The following ZNF132 variants were observed in gnomAD, a reference collection of about 807,000 sequenced individuals.
ZNF132 encodes the protein zinc finger protein 132.
ZNF132 carries 6 observed loss-of-function variants against 9.3 expected under a neutral mutation model. The ratio of observed to expected loss-of-function variants is 0.65; its 90% CI spans 0.35 to 1.28. The LOEUF (loss-of-function observed/expected upper bound fraction) is 1.28, where lower values mean the gene tolerates loss of function less well. Ranked by LOEUF, ZNF132 falls within the 50% of genes most tolerant of loss-of-function variation. The pLI is 0.03. For missense variants in ZNF132, 877 were observed against 843.2 expected, an observed-to-expected ratio of 1.04 and a Z score of -0.50; for synonymous variants, 296 against 292.0, an observed-to-expected ratio of 1.01 and a Z score of -0.14.
Position 58,440,072 on chromosome 19 carries a change from C to T in ZNF132, c.-251G>A. 2.0e-6 allele frequency: 1 copy of T among 512,510 alleles called. No individual in the cohort carries two copies. The highest frequency in any genetic ancestry group is 3.4e-6 in the Non-Finnish European group (1 of 294,262). 31.7% of individuals were successfully genotyped at this position (512,510 alleles called of 1,614,324 possible). A position where few individuals can be genotyped will look rare whatever the true frequency, so the allele number is the denominator to read the frequency against. ...TGCGTGTGAAGGCGCGGTGACGGTC[C>T]CTGCACCCACTCCCGTGCCCTGGTG... On this transcript the variant is annotated 5_prime_UTR_variant, in exon 1 of 3. Coordinates refer to ENST00000254166, the MANE Select transcript of ZNF132 (RefSeq NM_003433.4).
At position 58,433,721 on chromosome 19, in the gene ZNF132, C is replaced by G. The variant is rs147275148; in HGVS notation, c.1723G>C (p.Glu575Gln). The G allele has an allele frequency of 6.4e-4, 1,039 of 1,612,416 alleles. 1 individual carries two copies. The highest frequency in any genetic ancestry group is 8.2e-4 in the Non-Finnish European group (961 of 1,178,486). Residue 575 changes from glutamate (E) to glutamine (Q), a missense_variant, in exon 3 of 3, where the codon GAA becomes CAA. By Grantham distance (29) the Glu-to-Gln change is conservative (BLOSUM62 2). Coordinates refer to ENST00000254166, the MANE Select transcript of ZNF132 (RefSeq NM_003433.4). Reference sequence around the variant, plus strand: ...TTTTGGCTAAAGAATTTCCCACATTCATTGCACTCATAAGGCCTTTCTTTT... The same window carrying G: ...TTTTGGCTAAAGAATTTCCCACATTGATTGCACTCATAAGGCCTTTCTTTT... ...HTKERPYECN[E>Q]CGKFFSQNSI...
rs750582642 is a variant in ZNF132 at position 58,434,967 on chromosome 19, C to A, written c.477G>T (p.Gln159His). Residue 159 changes from glutamine to histidine, a missense_variant, in exon 3 of 3, where the codon CAG becomes CAT. Gln to His is a conservative substitution (Grantham distance 24). Transcript: ENST00000254166. ...TCCCTCCACTGTGCTCCTTCTGGTGCTGGTGAAGGTTTGCATTCAACCAAA... is the reference window on the plus strand; with the variant it reads ...TCCCTCCACTGTGCTCCTTCTGGTGATGGTGAAGGTTTGCATTCAACCAAA... ...RDFWLNANLH[Q>H]HQKEHSGGKP... is the part of the protein sequence containing the mutation. The A allele has an allele frequency of 5.6e-6, 9 of 1,614,192 alleles. No individual in the cohort carries two copies. In the East Asian group the frequency reaches 2.0e-4, roughly 36 times the overall value.
intron 2 of ZNF132, chr19:58,436,241 T>C (rs149196354): frequency 1.9e-5 from 3 of 154,426 alleles, no homozygotes; most frequent in African/African-American, 7.2e-5. Flanking sequence ...AGTTTCTCTT[T>C]AGGTGATGAA....
At chr19:58,435,564 T>A (rs1416920320) in intron 2 of ZNF132, 1 of 188,438 alleles carries the variant, frequency 5.3e-6, no homozygotes, top group Non-Finnish European at 1.1e-5. Context: ...CATAATGAGA[T>A]ACCACTTCAC....
intron 2 of ZNF132, among the ~76,000 whole-genome samples, chr19:58,436,667 CA>C (rs56078209): frequency 0.026 from 1,720 of 65,424 alleles, 9 homozygotes; most frequent in African/African-American, 0.11. Flanking sequence ...GACTCCATCT[CA>C]AAAAAAAAAA....
chr19:58,439,269 C>A (rs922290683), intron 1 of ZNF132, among the ~76,000 whole-genome samples: 1 of 152,184 alleles, frequency 6.6e-6, no homozygotes, highest in Non-Finnish European at 1.5e-5. Context: ...ACCATCCCTC[C>A]AGTCTGCTGC....
chr19:58,433,242 T>C lies in ZNF132; in HGVS notation c.*81A>G. ...ACATTAGCAGTACATGTAGGTAATT[T>C]TTCTGGTATGGGGATTCTGCTGCAT... On this transcript the variant is annotated 3_prime_UTR_variant, in exon 3 of 3. Transcript: ENST00000254166. The C allele has an allele frequency of 3.5e-6, 5 of 1,445,896 alleles. No homozygotes were observed. In the South Asian group the frequency reaches 6.6e-5, roughly 19 times the overall value. The allele number at this position is 1,445,896 out of a possible 1,614,324, so 89.6% of individuals were successfully genotyped here. A position where few individuals can be genotyped will look rare whatever the true frequency, so the allele number is the denominator to read the frequency against.
At chr19:58,437,894 C>A (rs753660152) in intron 1 of ZNF132, 23 of 666,732 alleles carry the variant, frequency 3.4e-5, no homozygotes, top group Non-Finnish European at 4.1e-5. Flanking sequence ...TATCTCTTCC[C>A]TCTGATATCT....
Position 58,433,018 on chromosome 19 carries a change from G to T in ZNF132, c.*305C>A. On this transcript the variant is annotated 3_prime_UTR_variant, in exon 3 of 3. Transcript: ENST00000254166. ...ACCAGCATCGGTTCAGCTGAGCACA[G>T]TCCTGAATCCCTAGAGAACACAGGA... 2.8e-6 allele frequency: 1 copy of T among 356,722 alleles called. No homozygotes were observed. 22.1% of individuals were successfully genotyped at this position (356,722 alleles called of 1,614,324 possible). A position where few individuals can be genotyped will look rare whatever the true frequency, so the allele number is the denominator to read the frequency against.
Position 58,433,699 on chromosome 19 carries a change from T to A in ZNF132, c.1745A>T (p.Gln582Leu), listed in dbSNP as rs1460390463. 1 of 1,610,242 alleles carries A rather than the reference T, an allele frequency of 6.2e-7. No individual in the cohort carries two copies. The highest frequency in any genetic ancestry group is 1.7e-5 in the Admixed American group (1 of 59,978). ...ECNECGKFFS[Q>L]NSILIKHQKV... ...CTGATGCTTAATGAGAATGGAGTTT[T>A]GGCTAAAGAATTTCCCACATTCATT... The change falls in exon 3 of 3, where the codon CAA becomes CTA. Residue 582 changes from glutamine (Q) to leucine (L), a missense_variant. Transcript: ENST00000254166.
At chr19:58,436,127 A>AATCTATATAGTC (rs1270053231) in intron 2 of ZNF132, among the ~76,000 whole-genome samples, 1 of 152,228 alleles carries the variant, frequency 6.6e-6, no homozygotes, top group Non-Finnish European at 1.5e-5. Flanking sequence ...AGGAAACGTA[A>AATCTATATAGTC]ATCTATATAG....
Position 58,439,973 on chromosome 19 carries a change from AGACGCGTG to A in ZNF132, c.-160_-153del. 1 of 727,718 alleles carries A rather than the reference AGACGCGTG, an allele frequency of 1.4e-6. No homozygotes were observed. Among genetic ancestry groups the A allele is most frequent in the South Asian group, 1.8e-5 (1 of 56,670 alleles). The allele number at this position is 727,718 out of a possible 1,614,324, so 45.1% of individuals were successfully genotyped here. The stretch of plus-strand genomic sequence containing the variant: ...CGAAGGCTGGGTATGGAGACCCTGG[AGACGCGTG>A]GCGCTGGCTCCACTTTCGGGAACAC... On this transcript the variant is annotated 5_prime_UTR_variant, in exon 1 of 3. The change abolishes the stop of an existing upstream ORF in the 5' untranslated region. Coordinates refer to ENST00000254166, the MANE Select transcript of ZNF132 (RefSeq NM_003433.4).
rs777235591 is a variant in ZNF132 at position 58,437,062 on chromosome 19, G to A, written c.217C>T (p.Leu73Phe). ...YHSVMLENLE[L>F]VTSLGSWHGV... ...AGGGCATTACCAAGTGAGGTCACAA[G>A]CTCAAGGTTTTCCAGCATCACACTG... Residue 73 changes from leucine (L) to phenylalanine (F), a missense_variant, in exon 2 of 3, where the codon CTT becomes TTT. Physicochemically the swap from Leu to Phe is conservative, Grantham distance 22. Transcript: ENST00000254166. The A allele has an allele frequency of 1.9e-6, 3 of 1,614,180 alleles. No homozygotes were observed. In the Admixed American group the frequency reaches 5.0e-5, roughly 27 times the overall value.
chr19:58,434,146 C>T lies in ZNF132; in HGVS notation c.1298G>A (p.Cys433Tyr). ...GTTAAAAGCTCTTCCACATTCACTG[C>T]ATTCATACGGTCTTTCTCCAGTGTG... is the stretch of plus-strand genomic sequence containing the variant. ...RVHTGERPYE[C>Y]SECGRAFNNN... The change falls in exon 3 of 3, where the codon TGC becomes TAC. Residue 433 changes from cysteine to tyrosine, a missense_variant. By Grantham distance (194) the Cys-to-Tyr change is radical. Transcript: ENST00000254166. The T allele has an allele frequency of 1.2e-6, 2 of 1,614,178 alleles. No individual in the cohort carries two copies. Among genetic ancestry groups the T allele is most frequent in the African/African-American group, 1.3e-5 (1 of 75,030 alleles).
In ZNF132 at chr19:58,434,976, G is replaced by T; in HGVS notation, c.468C>A (p.Asn156Lys). 6.2e-7 allele frequency: 1 copy of T among 1,614,184 alleles called. No homozygotes were observed. Among genetic ancestry groups the T allele is most frequent in the Non-Finnish European group, 8.5e-7 (1 of 1,180,042 alleles). The change falls in exon 3 of 3, where the codon AAC (asparagine) becomes AAA (lysine). Residue 156 changes from asparagine (N) to lysine (K), a missense_variant. Transcript: ENST00000254166. ...ACGRDFWLNA[N>K]LHQHQKEHSG... is the part of the protein sequence containing the mutation. ...TGTGCTCCTTCTGGTGCTGGTGAAG[G>T]TTTGCATTCAACCAAAAGTCTCTCC...
chr19:58,435,421 G>A, intron 2 of ZNF132: 1 of 549,730 alleles, frequency 1.8e-6, no homozygotes, highest in Non-Finnish European at 3.2e-6. Context: ...ACCTCACCAG[G>A]GGTAAGGACA....
Position 58,435,040 on chromosome 19 carries a change from G to T in ZNF132, c.404C>A (p.Thr135Lys), listed in dbSNP as rs762479234. ...TGTGTAGGGTTTCTCCTCAGACTGT[G>T]TTCCCTGATGCTCAGCCAGGTGCAA... Reference protein sequence around the residue: ...DILHLAEHQGTQSEEKPYTCG... With the variant: ...DILHLAEHQGKQSEEKPYTCG... Residue 135 changes from threonine to lysine, a missense_variant, in exon 3 of 3, where the codon ACA becomes AAA. Physicochemically the swap from Thr to Lys is moderately conservative, Grantham distance 78 (BLOSUM62 -1). Coordinates refer to ENST00000254166, the MANE Select transcript of ZNF132 (RefSeq NM_003433.4). 4.3e-6 allele frequency: 7 copies of T among 1,614,146 alleles called. No homozygotes were observed. The South Asian group carries it at 7.7e-5, about 18-fold the overall frequency.
intron 1 of ZNF132, among the ~76,000 whole-genome samples, chr19:58,438,700 C>T (rs2052786123): frequency 6.6e-6 from 1 of 151,924 alleles, no homozygotes; most frequent in Non-Finnish European, 1.5e-5. Flanking sequence ...GTCTCAATCT[C>T]CTGACCTAGT....
Position 58,433,070 on chromosome 19 carries a change from C to A in ZNF132, c.*253G>T. The A allele has an allele frequency of 2.4e-6, 1 of 409,188 alleles. No homozygotes were observed. The highest frequency in any genetic ancestry group is 3.3e-5 in the South Asian group (1 of 30,018). 25.3% of individuals were successfully genotyped at this position (409,188 alleles called of 1,614,324 possible). A position where few individuals can be genotyped will look rare whatever the true frequency, so the allele number is the denominator to read the frequency against. Reference sequence around the variant, plus strand: ...GGAAGGCTCAGGGTACTGTTTTCCCCATGCATGAGGACAGGACTGCTGCAA... The same window carrying A: ...GGAAGGCTCAGGGTACTGTTTTCCCAATGCATGAGGACAGGACTGCTGCAA... On this transcript the variant is annotated 3_prime_UTR_variant, in exon 3 of 3. Coordinates refer to ENST00000254166, the MANE Select transcript of ZNF132 (RefSeq NM_003433.4).
Sources: allele counts gnomAD v4.1 joint callset (sites outside exome capture counted in the v4.1 genomes callset), GRCh38; gene constraint gnomAD v4.1.1; transcripts MANE v1.5; gene names NCBI Gene and HGNC (gene_info 2026-07-23, HGNC 2026-07-21).